Variants in VMP1 observed in about 807,000 individuals in gnomAD.
The protein encoded by VMP1 is vacuole membrane protein 1.
A neutral mutation model predicts 56.0 loss-of-function variants in VMP1; 11 were observed. The ratio of observed to expected loss-of-function variants is 0.20; its 90% CI spans 0.12 to 0.32. The LOEUF is 0.32. Ranked by LOEUF, VMP1 falls within the 10% of genes least tolerant of loss-of-function variation. The probability of loss-of-function intolerance (pLI) is 1.00; values close to 1 mark genes in which losing one functional copy is unlikely to be tolerated. For synonymous variants in VMP1, 149 were observed against 165.0 expected (o/e 0.90, Z 0.74); for missense variants, 296 against 490.3 (o/e 0.60, Z 3.74).
In VMP1 at chr17:59,721,666, T is replaced by C. The variant is rs146520114; in HGVS notation, c.-26-9755T>C. 2.4e-4 allele frequency among the ~76,000 whole-genome samples: 37 copies of C among 152,236 alleles called. No homozygotes were observed. The East Asian group carries it at 7.1e-3, about 29-fold the overall frequency. ...TGGGAGGCTGAGACAGGAGGAGCAC[T>C]TGGTACCCAGAAGATCACTCTGGGT... On this transcript the variant is annotated intron_variant, in intron 1 of 11. Transcript: ENST00000262291.
At chr17:59,725,535 T>C (rs1467426042) in intron 1 of VMP1, among the ~76,000 whole-genome samples, 1 of 140,398 alleles carries the variant, frequency 7.1e-6, no homozygotes, top group East Asian at 2.1e-4. Context: ...TAAATCATGC[T>C]AAATGGTCAA....
rs1441544716 is a variant in VMP1, at chr17:59,789,340, G to T, written c.714+15455G>T. ...TGGGAGGCCGAGGCGGGCGGAACCA[G>T]TCTGGCCAATATGGTGAAACCCCAT... is the stretch of plus-strand genomic sequence containing the variant. On this transcript the variant is annotated intron_variant, in intron 7 of 11. Transcript: ENST00000262291. 2.0e-5 allele frequency among the ~76,000 whole-genome samples: 3 copies of T among 150,190 alleles called. No individual in the cohort carries two copies. In the Admixed American group the frequency reaches 2.0e-4, roughly 10 times the overall value.
At chr17:59,731,592 A>T in intron 2 of VMP1, 70 bp downstream of exon 2, 1 of 1,117,554 alleles carries the variant, frequency 8.9e-7, no homozygotes, top group Non-Finnish European at 1.2e-6. Context: ...GGAATAAAAT[A>T]GAGATATATT....
At position 59,729,020 on chromosome 17, in the gene VMP1, G is replaced by A. The variant is rs183218613; in HGVS notation, c.-26-2401G>A. On this transcript the variant is annotated intron_variant, in intron 1 of 11. Coordinates refer to ENST00000262291, the MANE Select transcript of VMP1 (RefSeq NM_030938.5). ...ATATTCTGGAAATTTCATATAAATG[G>A]GAATCATAACAAGTAGTCTTTTGTG... 3.9e-5 allele frequency among the ~76,000 whole-genome samples: 6 copies of A among 152,120 alleles called. No individual in the cohort carries two copies. The East Asian group carries it at 1.2e-3, about 29-fold the overall frequency.
At chr17:59,818,546 G>A (rs556499736) in intron 10 of VMP1, among the ~76,000 whole-genome samples, 4 of 152,206 alleles carry the variant, frequency 2.6e-5, no homozygotes, top group South Asian at 2.1e-4. Flanking sequence ...CAGGGCAGGC[G>A]GATCGCCTGA....
At chr17:59,777,588 G>T (rs1051167064) in intron 7 of VMP1, among the ~76,000 whole-genome samples, 3 of 152,008 alleles carry the variant, frequency 2.0e-5, no homozygotes, top group South Asian at 4.1e-4. Flanking sequence ...GAGGTGGGTG[G>T]ATCACCTACG....
chr17:59,820,822 G>GA (rs2038415191), intron 10 of VMP1, among the ~76,000 whole-genome samples: 1 of 152,184 alleles, frequency 6.6e-6, no homozygotes, highest in South Asian at 2.1e-4. Context: ...GTACAAATTA[G>GA]AAAATCATTG....
In VMP1 at chr17:59,841,224, T is replaced by A. The variant is rs772840282; in HGVS notation, c.*1313T>A. 5 of 461,210 alleles carry A rather than the reference T, an allele frequency of 1.1e-5. No individual in the cohort carries two copies. The highest frequency in any genetic ancestry group is 2.4e-5 in the Non-Finnish European group (5 of 211,080). The allele number at this position is 461,210 out of a possible 1,614,324, so 28.6% of individuals were successfully genotyped here. ...ATCAAATCCTGCCTGACTGTCTGCT[T>A]GTTTTGCCTACCATCGTGACATCTC... is the stretch of plus-strand genomic sequence containing the variant. On this transcript the variant is annotated 3_prime_UTR_variant, in exon 12 of 12. Transcript: ENST00000262291.
At position 59,811,818 on chromosome 17, in the gene VMP1, A is replaced by G. The variant is rs114846918; in HGVS notation, c.912+32A>G. On this transcript the variant is annotated intron_variant, in intron 9 of 11. Transcript: ENST00000262291. ...ATACCCCCTGATTCACTGCCTAATG[A>G]TGATGAACCCATTACAAGACAATGA... The G allele has an allele frequency of 1.0e-4, 137 of 1,359,982 alleles. No homozygotes were observed. The African/African-American group carries it at 1.8e-3, about 18-fold the overall frequency. 84.2% of individuals were successfully genotyped at this position (1,359,982 alleles called of 1,614,324 possible).
intron 7 of VMP1, among the ~76,000 whole-genome samples, chr17:59,796,563 A>T (rs2037445077): frequency 2.6e-5 from 4 of 152,212 alleles, no homozygotes; most frequent in Admixed American, 2.6e-4. Flanking sequence ...GTCTTCCCAA[A>T]TTGAGTGTGC....
At chr17:59,818,692 C>T (rs1338411603) in intron 10 of VMP1, among the ~76,000 whole-genome samples, 1 of 151,766 alleles carries the variant, frequency 6.6e-6, no homozygotes, top group Non-Finnish European at 1.5e-5. Flanking sequence ...GAGCTGAGAG[C>T]GCGTCATTGC....
chr17:59,795,041 A>G lies in VMP1; in HGVS notation c.715-13755A>G, dbSNP rs985498050. On this transcript the variant is annotated intron_variant, in intron 7 of 11. Coordinates refer to ENST00000262291, the MANE Select transcript of VMP1 (RefSeq NM_030938.5). ...AGACGGAGTTTCGCCCTTGTCGCTC[A>G]AGCTGGAATGTAATGGCGTGATCTT... 2.3e-5 allele frequency among the ~76,000 whole-genome samples: 3 copies of G among 132,908 alleles called. No homozygotes were observed. In the Admixed American group the frequency reaches 2.8e-4, roughly 12 times the overall value. 87.2% of individuals were successfully genotyped at this position (132,908 alleles called of 152,430 possible). A position where few individuals can be genotyped will look rare whatever the true frequency, so the allele number is the denominator to read the frequency against.
intron 7 of VMP1, among the ~76,000 whole-genome samples, chr17:59,775,868 G>A (rs946174303): frequency 2.0e-5 from 3 of 152,186 alleles, no homozygotes; most frequent in Non-Finnish European, 4.4e-5. Context: ...TCTCAACAGA[G>A]TGTTTTGTTT....
intron 1 of VMP1, among the ~76,000 whole-genome samples, chr17:59,709,633 C>T (rs76651701): frequency 0.036 from 5,425 of 152,264 alleles, 328 homozygotes; most frequent in African/African-American, 0.12. Context: ...AATATTATCA[C>T]ATACTTTTCT....
At chr17:59,785,704 A>T (rs1331357429) in intron 7 of VMP1, among the ~76,000 whole-genome samples, 2 of 151,772 alleles carry the variant, frequency 1.3e-5, no homozygotes, top group African/African-American at 2.4e-5. Flanking sequence ...AAAAAAAAAA[A>T]AAAGATAAAA....
chr17:59,728,629 A>G (rs1187958653), intron 1 of VMP1, among the ~76,000 whole-genome samples: 1 of 152,158 alleles, frequency 6.6e-6, no homozygotes, highest in African/African-American at 2.4e-5. Context: ...GCTTCAGGCC[A>G]GGAGTTCGAG....
At chr17:59,838,152 T>G in intron 10 of VMP1, 143 bp from the exon 11 acceptor site, 2 of 412,642 alleles carry the variant, frequency 4.8e-6, no homozygotes, top group East Asian at 3.8e-5. Context: ...ATTTCAGCAG[T>G]TCTCTGATTT....
chr17:59,806,209 G>A (rs2037837357), intron 7 of VMP1, among the ~76,000 whole-genome samples: 1 of 152,032 alleles, frequency 6.6e-6, no homozygotes, highest in South Asian at 2.1e-4. Flanking sequence ...GTGAAAAGGA[G>A]CAGTAAATAA....
chr17:59,834,648 G>T, intron 10 of VMP1, among the ~76,000 whole-genome samples: 1 of 143,538 alleles, frequency 7.0e-6, no homozygotes. Context: ...TTTTTGAGAC[G>T]GAGTCTTGCT....
Sources: gnomAD v4.1 joint callset for allele counts (sites outside exome capture counted in the v4.1 genomes callset) on GRCh38, gnomAD v4.1.1 for gene constraint, MANE v1.5 for transcripts, NCBI Gene and HGNC (gene_info 2026-07-23, HGNC 2026-07-21) for gene names.